The following TMEM114 variants were observed in gnomAD, a reference collection of about 807,000 sequenced individuals.
TMEM114 encodes the protein transmembrane protein 114.
Under a neutral mutation model 6.2 loss-of-function variants are expected in TMEM114, and 6 were observed. The ratio of observed to expected loss-of-function variants is 0.97; its 90% CI spans 0.53 to 1.91. The LOEUF (loss-of-function observed/expected upper bound fraction) is 1.91. Among genes scored for constraint, TMEM114 ranks in the 40% most tolerant of loss-of-function variants. The pLI is 0.01. For synonymous variants in TMEM114, 104 were observed against 73.0 expected, an observed-to-expected ratio of 1.42 and a Z score of -2.16; for missense variants, 218 against 158.3, an observed-to-expected ratio of 1.38 and a Z score of -2.02.
At chr16:8,557,033 G>A (rs190001575) in intron 2 of TMEM114, among the ~76,000 whole-genome samples, 20 of 152,210 alleles carry the variant, frequency 1.3e-4, no homozygotes, top group Admixed American at 7.2e-4. Flanking sequence ...ATAATGAATC[G>A]GTGAGGCTTG....
At chr16:8,566,361 A>G (rs1400894747), downstream of TMEM114, among the ~76,000 whole-genome samples, 1 of 132,118 alleles carries the variant, frequency 7.6e-6, no homozygotes. Context: ...TGGGTGACAG[A>G]GCTAGACGCA....
chr16:8,534,915 C>T (rs1052517933), downstream of TMEM114, among the ~76,000 whole-genome samples: 4 of 152,186 alleles, frequency 2.6e-5, no homozygotes, highest in African/African-American at 9.7e-5. Flanking sequence ...GTAACATGTG[C>T]CCAGCACTTA....
chr16:8,529,060 C>T, the TMEM114 span, among the ~76,000 whole-genome samples: 2 of 152,140 alleles, frequency 1.3e-5, no homozygotes, highest in African/African-American at 4.8e-5. Flanking sequence ...CAGAAGAGGG[C>T]TTTAGAGAAT....
At chr16:8,532,329 T>C in the TMEM114 span, among the ~76,000 whole-genome samples, 1 of 152,128 alleles carries the variant, frequency 6.6e-6, no homozygotes, top group Non-Finnish European at 1.5e-5. Context: ...CCAAGCCACA[T>C]CCTCTCTCTG....
At position 8,538,133 on chromosome 16, in the gene TMEM114, C is replaced by CCAA. The variant is rs766316433; in HGVS notation, n.213-308_213-307insTTG. Among the ~76,000 whole-genome samples the CCAA allele has an allele frequency of 6.5e-5, 5 of 76,348 alleles. 1 individual carries two copies. Among genetic ancestry groups the CCAA allele is most frequent in the African/African-American group, 2.8e-4 (5 of 17,962 alleles). The allele number at this position is 76,348 out of a possible 152,430, so 50.1% of individuals were successfully genotyped here. A position where few individuals can be genotyped will look rare whatever the true frequency, so the allele number is the denominator to read the frequency against. On this transcript the variant is annotated intron_variant and non_coding_transcript_variant, in intron 2 of 2. Coordinates refer to the TMEM114 transcript ENST00000623677. ...GGACAGCATGGTGTGACTGTCTCTA[C>CCAA]AAAAAAAAAAAAAAAAAAAAACTTC...
chr16:8,532,014 T>C, the TMEM114 span: 3 of 152,172 alleles, frequency 2.0e-5, no homozygotes, highest in African/African-American at 4.8e-5. Context: ...TGAAAATCTG[T>C]TGGAAGAAAG....
rs1221592742 is a variant in TMEM114, at chr16:8,569,579, C to G, written c.*194G>C. 2.1e-6 allele frequency: 3 copies of G among 1,425,200 alleles called. No individual in the cohort carries two copies. In the East Asian group the frequency reaches 7.6e-5, roughly 36 times the overall value. The allele number at this position is 1,425,200 out of a possible 1,614,324, so 88.3% of individuals were successfully genotyped here. A position where few individuals can be genotyped will look rare whatever the true frequency, so the allele number is the denominator to read the frequency against. The stretch of plus-strand genomic sequence containing the variant: ...CTCCTCCAGGCCACACGGACACACA[C>G]GGACATAAGCACACAGGTACTAGGA... On this transcript the variant is annotated 3_prime_UTR_variant, in exon 4 of 4. Coordinates refer to ENST00000620492, the MANE Select transcript of TMEM114 (RefSeq NM_001146336.2).
rs146779065 is a variant in TMEM114, at chr16:8,579,174, T to A, written c.302-6950A>T. On this transcript the variant is annotated intron_variant, in intron 2 of 3. Transcript: ENST00000620492. The stretch of plus-strand genomic sequence containing the variant: ...GTTTGTGACTGCTTCATTATCATGC[T>A]GTTCAAAGAGCTGCTCAGTGGGGAA... 5.3e-5 allele frequency among the ~76,000 whole-genome samples: 8 copies of A among 152,290 alleles called. No homozygotes were observed. The East Asian group carries it at 1.5e-3, about 29-fold the overall frequency.
chr16:8,549,756 GAGTA>G (rs538797770), intron 2 of TMEM114, among the ~76,000 whole-genome samples: 7 of 152,114 alleles, frequency 4.6e-5, no homozygotes, highest in Non-Finnish European at 1.0e-4. Flanking sequence ...CCATGATGAA[GAGTA>G]AGTAACAGAA....
intron 2 of TMEM114, among the ~76,000 whole-genome samples, chr16:8,547,600 C>A (rs1240028594): frequency 2.0e-5 from 3 of 152,060 alleles, no homozygotes; most frequent in Non-Finnish European, 4.4e-5. Flanking sequence ...ACCATCTTGG[C>A]CAGACTGGTC....
intron 2 of TMEM114, among the ~76,000 whole-genome samples, chr16:8,564,145 G>C (rs192900769): frequency 1.9e-4 from 29 of 150,770 alleles, no homozygotes; most frequent in Non-Finnish European, 4.0e-4. Context: ...GAATGAGTGA[G>C]TGAATGAGTT....
intron 2 of TMEM114, among the ~76,000 whole-genome samples, chr16:8,588,723 C>A (rs2141705061): frequency 6.6e-6 from 1 of 152,354 alleles, no homozygotes; most frequent in Non-Finnish European, 1.5e-5. Flanking sequence ...ATGCAAATTT[C>A]TATCGCACCC....
At chr16:8,535,446 TGAAGG>T (rs1049938868), downstream of TMEM114, among the ~76,000 whole-genome samples, 7 of 152,026 alleles carry the variant, frequency 4.6e-5, no homozygotes, top group African/African-American at 1.7e-4. Context: ...GAAAGACATT[TGAAGG>T]GAAGTTAATA....
intron 2 of TMEM114, among the ~76,000 whole-genome samples, chr16:8,543,168 A>C (rs1900564082): frequency 6.6e-6 from 1 of 152,238 alleles, no homozygotes; most frequent in South Asian, 2.1e-4. Flanking sequence ...ACTTAGGATC[A>C]GACAGACTGA....
intron 2 of TMEM114, among the ~76,000 whole-genome samples, chr16:8,544,992 A>G (rs75854855): frequency 0.026 from 3,913 of 151,790 alleles, 164 homozygotes; most frequent in African/African-American, 0.09. Flanking sequence ...TTGGCATTGA[A>G]ATGCAGTTTC....
chr16:8,569,803 GC>G lies in TMEM114; in HGVS notation c.641del (p.Ser214ThrfsTer2), dbSNP rs1901664901. ...AAFLAAARELSLRRRQDQAI is the reference protein window; with the variant it reads ...AAFLAAARELXLRRRQDQAI ...TGGCCTGGTCCTGCCTCCGTCTCAG[GC>G]TGAGCTCGCGGGCTGCTGCCAGGAA... On this transcript the variant is annotated frameshift_variant, in exon 4 of 4. Coordinates refer to ENST00000620492, the MANE Select transcript of TMEM114 (RefSeq NM_001146336.2). LOFTEE classifies it high-confidence loss of function. 5 of 1,550,776 alleles carry G rather than the reference GC, an allele frequency of 3.2e-6. No homozygotes were observed. Among genetic ancestry groups the G allele is most frequent in the East Asian group, 2.4e-5 (1 of 40,904 alleles).
rs149892486 is a variant in TMEM114 at position 8,547,981 on chromosome 16, G to C, written n.213-10155C>G. On this transcript the variant is annotated intron_variant and non_coding_transcript_variant, in intron 2 of 2. Coordinates refer to the TMEM114 transcript ENST00000623677. ...GGCTGTGGAAATGATTCCCAGTCCA[G>C]GTGATAGAAACGTCAGGAACAAGAC... Among the ~76,000 whole-genome samples the C allele has an allele frequency of 1.9e-4, 29 of 152,288 alleles. No individual in the cohort carries two copies. In the East Asian group the frequency reaches 3.9e-3, roughly 20 times the overall value.
intron 2 of TMEM114, among the ~76,000 whole-genome samples, chr16:8,544,212 C>T (rs542536683): frequency 6.6e-6 from 1 of 152,196 alleles, no homozygotes; most frequent in East Asian, 1.9e-4. Context: ...TATGCAAGCC[C>T]TCTCATGCTG....
chr16:8,563,237 G>A (rs536639425), intron 2 of TMEM114, among the ~76,000 whole-genome samples: 1 of 151,794 alleles, frequency 6.6e-6, no homozygotes, highest in African/African-American at 2.4e-5. Context: ...GAATGAGTGA[G>A]TGAATGAGTC....
Sources: gnomAD v4.1 joint callset for allele counts (sites outside exome capture counted in the v4.1 genomes callset) on GRCh38, gnomAD v4.1.1 for gene constraint, MANE v1.5 for transcripts, NCBI Gene and HGNC (gene_info 2026-07-23, HGNC 2026-07-21) for gene names.